The following PLSCR2 variants were observed in gnomAD, a reference collection of about 807,000 sequenced individuals.
PLSCR2 encodes the protein phospholipid scramblase 2.
In PLSCR2, 18 loss-of-function variants were observed where a neutral mutation model predicts 25.3. That is an observed-to-expected ratio of 0.71 (90% CI 0.49 to 1.06). The LOEUF (loss-of-function observed/expected upper bound fraction) is 1.06. Among genes scored for constraint, PLSCR2 ranks in the 50% least tolerant of loss-of-function variants. The probability of loss-of-function intolerance (pLI) is 0.00; values close to 1 mark genes in which losing one functional copy is unlikely to be tolerated. For missense variants in PLSCR2, 243 were observed against 269.5 expected (o/e 0.90, Z 0.69); for synonymous variants, 88 against 87.3 (o/e 1.01, Z -0.04).
Position 146,393,808 on chromosome 3 carries a change from C to CAAA in PLSCR2, c.*145+1949_*145+1951dup, listed in dbSNP as rs71849356. 1.3e-4 allele frequency among the ~76,000 whole-genome samples: 16 copies of CAAA among 123,746 alleles called. 1 individual carries two copies. The highest frequency in any genetic ancestry group is 2.7e-4 in the African/African-American group (9 of 33,330). 81.2% of individuals were successfully genotyped at this position (123,746 alleles called of 152,430 possible). On this transcript the variant is annotated intron_variant and NMD_transcript_variant, in intron 3 of 3. Coordinates refer to the PLSCR2 transcript ENST00000463633. ...CAGCCTGGCGACAGAGACTCCGTCT[C>CAAA]AAAAAAAAAAAAAAAACTTCTAAAT...
chr3:146,407,371 A>G (rs1576571071), intron 2 of PLSCR2, among the ~76,000 whole-genome samples: 1 of 152,120 alleles, frequency 6.6e-6, no homozygotes. Context: ...CAAATGCTTC[A>G]GTCTATCCGG....
intron 1 of PLSCR2, 90 bp from the exon 1 acceptor site, chr3:146,469,651 A>G (rs981557012): frequency 2.9e-5 from 22 of 769,846 alleles, no homozygotes; most frequent in Non-Finnish European, 3.2e-5. Context: ...CTACACCTGC[A>G]GCAGCCCCTA....
Position 146,460,102 on chromosome 3 carries a change from A to G in PLSCR2, c.-179-19T>C. 1 of 1,479,210 alleles carries G rather than the reference A, an allele frequency of 6.8e-7. No homozygotes were observed. Among genetic ancestry groups the G allele is most frequent in the Non-Finnish European group, 9.0e-7 (1 of 1,106,702 alleles). 91.6% of individuals were successfully genotyped at this position (1,479,210 alleles called of 1,614,324 possible). A position where few individuals can be genotyped will look rare whatever the true frequency, so the allele number is the denominator to read the frequency against. ...GGAGGTCCTGAAATAGGAGCAAGTA[A>G]AATAATTTGTAGCTGCCCAGAAAAG... is the stretch of plus-strand genomic sequence containing the variant. On this transcript the variant is annotated intron_variant, in intron 1 of 6. Transcript: ENST00000610787.
At chr3:146,495,920 C>T in exon 1 of PLSCR2, 1 of 1,535,634 alleles carries the variant, frequency 6.5e-7, no homozygotes, top group Non-Finnish European at 8.7e-7. Flanking sequence ...GAAAAGGCTT[C>T]ATTCTCCATT....
At chr3:146,461,813 C>T (rs1463580935), upstream of PLSCR2, 1 of 826,622 alleles carries the variant, frequency 1.2e-6, no homozygotes, top group Admixed American at 2.0e-5. Context: ...GGATTTTATC[C>T]CAGGTGTCAT....
At chr3:146,414,332 C>T (rs144681262) in intron 2 of PLSCR2, among the ~76,000 whole-genome samples, 23 of 152,288 alleles carry the variant, frequency 1.5e-4, no homozygotes, top group African/African-American at 5.3e-4. Context: ...TCAGAGGAAG[C>T]TCTTCAGTGC....
intron 1 of PLSCR2, among the ~76,000 whole-genome samples, chr3:146,490,712 C>T (rs1382177347): frequency 6.6e-6 from 1 of 152,076 alleles, no homozygotes; most frequent in African/African-American, 2.4e-5. Context: ...GATATTTCTC[C>T]ATCCCTCTAC....
intron 6 of PLSCR2, among the ~76,000 whole-genome samples, chr3:146,445,001 A>T (rs1481734293): frequency 6.6e-6 from 1 of 152,114 alleles, no homozygotes; most frequent in African/African-American, 2.4e-5. Flanking sequence ...AACTCATGGA[A>T]ACTTAACACT....
intron 2 of PLSCR2, among the ~76,000 whole-genome samples, chr3:146,459,103 C>T (rs1347422574): frequency 6.6e-6 from 1 of 152,048 alleles, no homozygotes; most frequent in East Asian, 1.9e-4. Context: ...ACAAAACAAA[C>T]ATTAAACCTC....
intron 1 of PLSCR2, among the ~76,000 whole-genome samples, chr3:146,467,258 AAAGTG>A (rs2041914758): frequency 6.6e-6 from 1 of 152,218 alleles, no homozygotes; most frequent in Admixed American, 6.5e-5. Context: ...TTGTAGTAGT[AAAGTG>A]TTCTACAAAA....
chr3:146,428,414 T>C (rs557501885), downstream of PLSCR2, among the ~76,000 whole-genome samples: 1 of 152,316 alleles, frequency 6.6e-6, no homozygotes, highest in Admixed American at 6.5e-5. Context: ...ATTTCAAGTA[T>C]TGGTTTTCCA....
At chr3:146,449,703 T>C (rs911834524) in intron 5 of PLSCR2, among the ~76,000 whole-genome samples, 3 of 152,172 alleles carry the variant, frequency 2.0e-5, no homozygotes, top group Admixed American at 2.0e-4. Flanking sequence ...TTGAAGTATT[T>C]CTTTGATATA....
intron 5 of PLSCR2, among the ~76,000 whole-genome samples, chr3:146,450,927 T>C (rs989736609): frequency 2.0e-5 from 3 of 151,802 alleles, no homozygotes; most frequent in Admixed American, 2.0e-4. Context: ...GACATGCATA[T>C]ACAGATCATT....
At chr3:146,418,599 A>G (rs1460832699) in intron 2 of PLSCR2, among the ~76,000 whole-genome samples, 1 of 152,126 alleles carries the variant, frequency 6.6e-6, no homozygotes, top group African/African-American at 2.4e-5. Flanking sequence ...AGGCTCTACT[A>G]GGTTTTGAGG....
downstream of PLSCR2, among the ~76,000 whole-genome samples, chr3:146,430,029 C>T (rs1056293512): frequency 6.6e-6 from 1 of 152,098 alleles, no homozygotes; most frequent in Non-Finnish European, 1.5e-5. Flanking sequence ...AGTTTCCCCC[C>T]ACTAAATTCC....
At chr3:146,450,782 C>T (rs1185100564) in intron 5 of PLSCR2, among the ~76,000 whole-genome samples, 1 of 152,112 alleles carries the variant, frequency 6.6e-6, no homozygotes, top group Non-Finnish European at 1.5e-5. Flanking sequence ...AACTTACTAG[C>T]TACCATAAAC....
chr3:146,479,154 A>G (rs961037311), intron 1 of PLSCR2, among the ~76,000 whole-genome samples: 2 of 152,236 alleles, frequency 1.3e-5, no homozygotes, highest in Non-Finnish European at 2.9e-5. Flanking sequence ...AATTATAAAG[A>G]CCATTGATGC....
intron 8 of PLSCR2, among the ~76,000 whole-genome samples, chr3:146,434,123 T>A (rs1316313650): frequency 2.0e-5 from 3 of 152,110 alleles, no homozygotes; most frequent in Admixed American, 6.6e-5. Context: ...TGTCTTCCCT[T>A]TCTTTTTTAA....
chr3:146,404,345 G>T (rs1305270734), intron 2 of PLSCR2, among the ~76,000 whole-genome samples: 3 of 152,140 alleles, frequency 2.0e-5, no homozygotes, highest in Non-Finnish European at 4.4e-5. Flanking sequence ...AGAGAAGGAA[G>T]GAAGGGGTCC....
Sources: allele counts gnomAD v4.1 joint callset (sites outside exome capture counted in the v4.1 genomes callset), GRCh38; gene constraint gnomAD v4.1.1; transcripts MANE v1.5; gene names NCBI Gene and HGNC (gene_info 2026-07-23, HGNC 2026-07-21).